Variants in CPQ observed in about 807,000 individuals in gnomAD.
The protein encoded by CPQ is carboxypeptidase Q.
In CPQ, 37 loss-of-function variants were observed where a neutral mutation model predicts 45.7. The observed-to-expected ratio is 0.81, with a 90% CI of 0.62 to 1.07. CPQ has a LOEUF of 1.07. Ranked by LOEUF, CPQ falls within the 50% of genes least tolerant of loss-of-function variation. The pLI, the probability that CPQ is intolerant of heterozygous loss-of-function variation, is 0.00. For missense variants in CPQ, 537 were observed against 572.9 expected (o/e 0.94, Z 0.64); for synonymous variants, 186 against 205.8 (o/e 0.90, Z 0.82).
intron 4 of CPQ, among the ~76,000 whole-genome samples, chr8:96,934,374 G>C (rs1813016619): frequency 6.6e-6 from 1 of 152,140 alleles, no homozygotes; most frequent in African/African-American, 2.4e-5. Flanking sequence ...TAGACTGGGG[G>C]AGCTAAGTGA....
Position 96,930,415 on chromosome 8 carries a change from A to G in CPQ, c.850-35520A>G, listed in dbSNP as rs997418133. On this transcript the variant is annotated intron_variant, in intron 4 of 7. Coordinates refer to ENST00000220763, the MANE Select transcript of CPQ (RefSeq NM_016134.4). ...CCCCCAGTGGAATTGAAGTCCACAGAATTGCTGTCTCAGAAGTTTCATTCT... is the reference window on the plus strand; with the variant it reads ...CCCCCAGTGGAATTGAAGTCCACAGGATTGCTGTCTCAGAAGTTTCATTCT... 2.0e-5 allele frequency among the ~76,000 whole-genome samples: 3 copies of G among 152,242 alleles called. No homozygotes were observed. In the South Asian group the frequency reaches 6.2e-4, roughly 32 times the overall value.
chr8:96,973,400 C>T (rs933537118), intron 5 of CPQ, among the ~76,000 whole-genome samples: 3 of 152,030 alleles, frequency 2.0e-5, no homozygotes, highest in African/African-American at 4.8e-5. Context: ...AAATAATCGG[C>T]GTTCTCAAGG....
intron 3 of CPQ, among the ~76,000 whole-genome samples, chr8:96,855,491 C>A (rs1446727689): frequency 6.6e-6 from 1 of 152,174 alleles, no homozygotes; most frequent in Non-Finnish European, 1.5e-5. Context: ...AGAAAGAATT[C>A]ATTCATCCAT....
chr8:96,717,024 A>AATT (rs1809683927), intron 1 of CPQ, among the ~76,000 whole-genome samples: 2 of 56,560 alleles, frequency 3.5e-5, no homozygotes, highest in African/African-American at 1.8e-4. Flanking sequence ...CCATGATATA[A>AATT]ATATATATAT....
intron 1 of CPQ, among the ~76,000 whole-genome samples, chr8:96,739,291 C>T (rs1307039311): frequency 5.4e-5 from 8 of 147,830 alleles, no homozygotes; most frequent in Admixed American, 2.0e-4. Context: ...GTCCTTTGCC[C>T]ACTTTTTGAT....
At chr8:96,694,518 GT>G (rs1390278852) in intron 1 of CPQ, among the ~76,000 whole-genome samples, 1 of 152,096 alleles carries the variant, frequency 6.6e-6, no homozygotes, top group Non-Finnish European at 1.5e-5. Flanking sequence ...TAGACTATAT[GT>G]TAGGCCACAA....
At chr8:96,941,267 C>T (rs139558871) in intron 4 of CPQ, among the ~76,000 whole-genome samples, 257 of 152,250 alleles carry the variant, frequency 1.7e-3, no homozygotes, top group African/African-American at 5.9e-3. Context: ...CTGCTTTTAA[C>T]AAGCTGCTGG....
At chr8:96,855,091 C>G (rs1041191912) in intron 3 of CPQ, among the ~76,000 whole-genome samples, 2 of 152,108 alleles carry the variant, frequency 1.3e-5, no homozygotes, top group Non-Finnish European at 2.9e-5. Context: ...GGAGGGTCAG[C>G]CTTTTTGTTC....
chr8:96,877,043 T>A (rs1812155333), intron 3 of CPQ, among the ~76,000 whole-genome samples: 1 of 152,202 alleles, frequency 6.6e-6, no homozygotes, highest in Non-Finnish European at 1.5e-5. Flanking sequence ...AGTTATGGCT[T>A]CCTTGGTAGT....
chr8:96,959,947 T>G (rs1407001428), intron 4 of CPQ, among the ~76,000 whole-genome samples: 1 of 151,296 alleles, frequency 6.6e-6, no homozygotes, highest in African/African-American at 2.4e-5. Context: ...TGGTTTTTGA[T>G]TGAGCAAGAT....
chr8:96,718,864 T>C (rs763543872), intron 1 of CPQ, among the ~76,000 whole-genome samples: 1 of 152,130 alleles, frequency 6.6e-6, no homozygotes, highest in African/African-American at 2.4e-5. Context: ...AGAGTGTCAA[T>C]TGGTGCATTC....
rs577029037 is a variant in CPQ, at chr8:96,673,618, G to A, written c.-35+28216G>A. On this transcript the variant is annotated intron_variant, in intron 1 of 7. Coordinates refer to ENST00000220763, the MANE Select transcript of CPQ (RefSeq NM_016134.4). ...TATGATTTAGTTCTAGGAAGTCAGTGTGAATTGGCCTTAGGGTCCCTGCCT... is the reference window on the plus strand; with the variant it reads ...TATGATTTAGTTCTAGGAAGTCAGTATGAATTGGCCTTAGGGTCCCTGCCT... 3.9e-5 allele frequency among the ~76,000 whole-genome samples: 6 copies of A among 152,260 alleles called. No homozygotes were observed. In the East Asian group the frequency reaches 5.8e-4, roughly 15 times the overall value.
chr8:96,895,688 A>G (rs2130892707), intron 4 of CPQ, among the ~76,000 whole-genome samples: 1 of 152,278 alleles, frequency 6.6e-6, no homozygotes, highest in South Asian at 2.1e-4. Context: ...CTGCCTTTGT[A>G]AGATTCTGAG....
intron 4 of CPQ, among the ~76,000 whole-genome samples, chr8:96,913,220 C>T (rs1011029359): frequency 6.6e-6 from 1 of 152,214 alleles, no homozygotes; most frequent in African/African-American, 2.4e-5. Flanking sequence ...ATGTCCCATA[C>T]ATATGGACAA....
At chr8:96,882,501 A>G (rs983729761) in intron 4 of CPQ, among the ~76,000 whole-genome samples, 1 of 152,184 alleles carries the variant, frequency 6.6e-6, no homozygotes. Flanking sequence ...TTATAATACT[A>G]TCGCTGTTTG....
At chr8:96,696,481 A>T (rs1056873201) in intron 1 of CPQ, among the ~76,000 whole-genome samples, 10 of 152,052 alleles carry the variant, frequency 6.6e-5, no homozygotes, top group Admixed American at 5.2e-4. Flanking sequence ...AAGCAAGAGC[A>T]AACTGAACCC....
intron 1 of CPQ, among the ~76,000 whole-genome samples, chr8:96,784,407 G>C (rs887707073): frequency 6.6e-6 from 1 of 151,416 alleles, no homozygotes. Flanking sequence ...GGTGGGGGGG[G>C]GGTTGGTAAA....
intron 4 of CPQ, among the ~76,000 whole-genome samples, chr8:96,901,291 A>T (rs1586444267): frequency 6.6e-6 from 1 of 152,260 alleles, no homozygotes. Flanking sequence ...GTTGGGCTGC[A>T]TTGCAACTTG....
chr8:96,691,614 C>T (rs1383240418), intron 1 of CPQ, among the ~76,000 whole-genome samples: 1 of 152,036 alleles, frequency 6.6e-6, no homozygotes, highest in Non-Finnish European at 1.5e-5. Context: ...TTATAATTTA[C>T]TTGAGGACTC....
Sources: gnomAD v4.1 joint callset for allele counts (sites outside exome capture counted in the v4.1 genomes callset) on GRCh38, gnomAD v4.1.1 for gene constraint, MANE v1.5 for transcripts, NCBI Gene and HGNC (gene_info 2026-07-23, HGNC 2026-07-21) for gene names.